The following ZP3 variants were observed in gnomAD, a reference collection of about 807,000 sequenced individuals.
The protein encoded by ZP3 is zona pellucida glycoprotein 3.
Under a neutral mutation model 35.6 loss-of-function variants are expected in ZP3, and 21 were observed. That is an observed-to-expected ratio of 0.59 (90% CI 0.42 to 0.85). ZP3 has a LOEUF of 0.85. Among genes scored for constraint, ZP3 ranks in the 40% least tolerant of loss-of-function variants. ZP3 has a pLI of 0.00. For synonymous variants in ZP3, 207 were observed against 214.5 expected, an observed-to-expected ratio of 0.96 and a Z score of 0.31; for missense variants, 437 against 536.5, an observed-to-expected ratio of 0.81 and a Z score of 1.83.
chr7:76,440,626 G>T lies in ZP3; in HGVS notation c.1060+15G>T, dbSNP rs759973390. On this transcript the variant is annotated intron_variant, in intron 7 of 7. Transcript: ENST00000394857. ...CCGCAGGCATGGTATGTCACAGAAT[G>T]GCCAAGAGGCTGTTCATTGTCCCTT... The T allele has an allele frequency of 6.2e-7, 1 of 1,601,114 alleles. No homozygotes were observed.
At chr7:76,397,721 TC>T in exon 1 of ZP3, 2 of 1,613,344 alleles carry the variant, frequency 1.2e-6, no homozygotes, top group Non-Finnish European at 1.7e-6. Flanking sequence ...CACAGCGGCA[TC>T]CGGCAGCCCC....
At chr7:76,404,687 T>C (rs1263029802) in intron 1 of ZP3, among the ~76,000 whole-genome samples, 1 of 152,034 alleles carries the variant, frequency 6.6e-6, no homozygotes, top group Non-Finnish European at 1.5e-5. Context: ...TCCCAGCACT[T>C]TGGGAGGCTG....
At chr7:76,435,625 G>GGT (rs529746793) in intron 5 of ZP3, among the ~76,000 whole-genome samples, 3 of 152,260 alleles carry the variant, frequency 2.0e-5, no homozygotes, top group Non-Finnish European at 4.4e-5. Flanking sequence ...ACTCTATTGG[G>GGT]GTAGGGCATG....
intron 5 of ZP3, among the ~76,000 whole-genome samples, chr7:76,438,461 G>A (rs1806091543): frequency 6.6e-6 from 1 of 150,854 alleles, no homozygotes; most frequent in Non-Finnish European, 1.5e-5. Context: ...GGGAGGCTGA[G>A]GCAAGAGAAT....
chr7:76,424,689 C>G (rs373999648), upstream of ZP3, among the ~76,000 whole-genome samples: 9 of 152,064 alleles, frequency 5.9e-5, no homozygotes, highest in Non-Finnish European at 8.8e-5. Context: ...CACACACACA[C>G]AGCAAAAAAA....
At chr7:76,437,087 G>GGT (rs1380467415) in intron 5 of ZP3, among the ~76,000 whole-genome samples, 2 of 151,992 alleles carry the variant, frequency 1.3e-5, no homozygotes, top group Non-Finnish European at 2.9e-5. Flanking sequence ...GGGAGGCCGA[G>GGT]GTGGGAGGAT....
chr7:76,402,365 A>G (rs992468041), intron 1 of ZP3, among the ~76,000 whole-genome samples: 4 of 151,970 alleles, frequency 2.6e-5, no homozygotes, highest in African/African-American at 9.7e-5. Flanking sequence ...TTTTTTAGGT[A>G]GAAATGGGGT....
At chr7:76,433,823 C>G (rs758126619) in intron 4 of ZP3, 176 bp downstream of exon 4, 3 of 1,034,858 alleles carry the variant, frequency 2.9e-6, no homozygotes, top group Non-Finnish European at 4.2e-6. Context: ...CTCAGCCCCC[C>G]AAGTAGCTGA....
At chr7:76,417,272 T>C (rs1362313004) in intron 1 of ZP3, among the ~76,000 whole-genome samples, 2 of 152,036 alleles carry the variant, frequency 1.3e-5, no homozygotes, top group Non-Finnish European at 2.9e-5. Flanking sequence ...TTGGTCAGGC[T>C]GGTCTTGAAC....
At chr7:76,400,704 C>A in intron 1 of ZP3, 1 of 1,215,168 alleles carries the variant, frequency 8.2e-7, no homozygotes, top group South Asian at 1.7e-5. Flanking sequence ...GACGGGGTCT[C>A]ACTATGTTGC....
In ZP3 at chr7:76,433,546, T is replaced by G. The variant is rs1304429670; in HGVS notation, c.612T>G (p.Thr204=). 1.9e-6 allele frequency: 3 copies of G among 1,614,060 alleles called. No individual in the cohort carries two copies. Among genetic ancestry groups the G allele is most frequent in the African/African-American group, 2.7e-5 (2 of 74,920 alleles). The change falls in exon 4 of 8, where the codon ACT becomes ACG. Residue 204 remains threonine, a synonymous_variant. Transcript: ENST00000394857. ...CCCACCTCCAGGCAGAAATCCACAC[T>G]GGCAGCCACGTGCCACTGCGGTTGT... is the stretch of plus-strand genomic sequence containing the variant. ...DAAHLQAEIH[T]GSHVPLRLFV... is the part of the protein sequence containing the mutation.
intron 1 of ZP3, among the ~76,000 whole-genome samples, chr7:76,419,347 A>G (rs1490726728): frequency 6.6e-6 from 1 of 152,088 alleles, no homozygotes; most frequent in Admixed American, 6.6e-5. Flanking sequence ...ATCTATCTAG[A>G]ATTCATTTTT....
intron 7 of ZP3, among the ~76,000 whole-genome samples, 167 bp from the exon 8 acceptor site, chr7:76,441,674 CA>C (rs2115956276): frequency 1.3e-5 from 2 of 152,312 alleles, no homozygotes; most frequent in African/African-American, 4.8e-5. Flanking sequence ...AGGCATTAGC[CA>C]TCACACCTGG....
In ZP3 at chr7:76,405,283, A is replaced by ATATATATG. The variant is rs1554622669; in HGVS notation, c.-67+7493_-67+7494insGTATATAT. Reference sequence around the variant, plus strand: ...CACACCCAGCTAATTATATATATATATATATATATATATATATATATATAT... The same window carrying ATATATATG: ...CACACCCAGCTAATTATATATATATATATATATGTATATATATATATATATATATATAT... On this transcript the variant is annotated intron_variant, in intron 1 of 8. Transcript: ENST00000336517. Among the ~76,000 whole-genome samples, 7 of 32,268 alleles carry ATATATATG rather than the reference A, an allele frequency of 2.2e-4. 1 individual carries two copies. Among genetic ancestry groups the ATATATATG allele is most frequent in the African/African-American group, 4.3e-4 (2 of 4,686 alleles). The allele number at this position is 32,268 out of a possible 152,430, so 21.2% of individuals were successfully genotyped here.
At chr7:76,421,327 G>C (rs1032489085), upstream of ZP3, among the ~76,000 whole-genome samples, 1 of 151,948 alleles carries the variant, frequency 6.6e-6, no homozygotes, top group African/African-American at 2.4e-5. Context: ...GAACTCCCAG[G>C]CTCAAGCAAC....
At chr7:76,427,800 T>A (rs1202415904) in intron 1 of ZP3, among the ~76,000 whole-genome samples, 1 of 152,096 alleles carries the variant, frequency 6.6e-6, no homozygotes, top group Non-Finnish European at 1.5e-5. Context: ...TGCCTCAGCC[T>A]CCTGAATAGC....
intron 1 of ZP3, among the ~76,000 whole-genome samples, chr7:76,403,909 C>T (rs574165812): frequency 2.6e-5 from 4 of 152,202 alleles, no homozygotes; most frequent in Admixed American, 1.3e-4. Flanking sequence ...GTGATCTTTC[C>T]GCCTTGGCCT....
intron 1 of ZP3, chr7:76,400,362 C>A (rs149419007): frequency 1.3e-5 from 20 of 1,582,226 alleles, no homozygotes; most frequent in Middle Eastern, 1.7e-4. Context: ...ACTCGCTCAG[C>A]GCAGCTTCCT....
chr7:76,438,557 A>C (rs868098277), intron 5 of ZP3, among the ~76,000 whole-genome samples: 4 of 143,998 alleles, frequency 2.8e-5, no homozygotes, highest in South Asian at 2.2e-4. Flanking sequence ...AAAAAAAAAA[A>C]GGGTAGCGGG....
Sources: allele counts gnomAD v4.1 joint callset (sites outside exome capture counted in the v4.1 genomes callset), GRCh38; gene constraint gnomAD v4.1.1; transcripts MANE v1.5; gene names NCBI Gene and HGNC (gene_info 2026-07-23, HGNC 2026-07-21).